Variants in SUCLG2 observed in about 807,000 individuals in gnomAD.
SUCLG2 encodes the protein succinate--CoA ligase [GDP-forming] subunit beta, mitochondrial.
Under a neutral mutation model 47.9 loss-of-function variants are expected in SUCLG2, and 42 were observed. That is an observed-to-expected ratio of 0.88 (90% CI 0.69 to 1.14). SUCLG2 has a LOEUF of 1.14. Ranked by LOEUF, SUCLG2 falls within the 50% of genes most tolerant of loss-of-function variation. The pLI is 0.00. For missense variants in SUCLG2, 571 were observed against 525.9 expected (o/e 1.09, Z -0.84); for synonymous variants, 195 against 197.3 (o/e 0.99, Z 0.10).
At chr3:67,385,322 T>C (rs1490650331) in intron 10 of SUCLG2, among the ~76,000 whole-genome samples, 1 of 152,170 alleles carries the variant, frequency 6.6e-6, no homozygotes. Context: ...GACCACTGCC[T>C]AGAGTGGGGC....
At position 67,375,564 on chromosome 3, in the gene SUCLG2, T is replaced by G; in HGVS notation, c.*180A>C. On this transcript the variant is annotated 3_prime_UTR_variant, in exon 11 of 11. Coordinates refer to ENST00000307227, the MANE Select transcript of SUCLG2 (RefSeq NM_003848.4). The stretch of plus-strand genomic sequence containing the variant: ...GATATTATTTTTATAAAGACCAAAA[T>G]CAGATTTAGGCTGTCTAGATATCTT... The G allele has an allele frequency of 7.2e-7, 1 of 1,388,766 alleles. No individual in the cohort carries two copies. Among genetic ancestry groups the G allele is most frequent in the African/African-American group, 1.5e-5 (1 of 68,662 alleles). 86.0% of individuals were successfully genotyped at this position (1,388,766 alleles called of 1,614,324 possible). A position where few individuals can be genotyped will look rare whatever the true frequency, so the allele number is the denominator to read the frequency against.
At chr3:67,551,110 T>C (rs1707002846) in intron 2 of SUCLG2, among the ~76,000 whole-genome samples, 1 of 152,236 alleles carries the variant, frequency 6.6e-6, no homozygotes, top group East Asian at 1.9e-4. Flanking sequence ...ACGTCTTGTA[T>C]TTTTTGCAAG....
chr3:67,531,735 C>T (rs1201720956), intron 2 of SUCLG2, among the ~76,000 whole-genome samples: 6 of 152,162 alleles, frequency 3.9e-5, no homozygotes, highest in Non-Finnish European at 7.4e-5. Context: ...TATAGTAAGT[C>T]AGCAAGTCAG....
chr3:67,587,536 G>A (rs1273480860), intron 2 of SUCLG2, among the ~76,000 whole-genome samples: 2 of 152,202 alleles, frequency 1.3e-5, no homozygotes, highest in Non-Finnish European at 2.9e-5. Flanking sequence ...TCCAAGATTT[G>A]AGAAGATGCC....
chr3:67,369,123 C>A (rs1701917693), intron 10 of SUCLG2, among the ~76,000 whole-genome samples: 1 of 152,138 alleles, frequency 6.6e-6, no homozygotes, highest in African/African-American at 2.4e-5. Flanking sequence ...TCCTTCTCCA[C>A]TGATTTTCTT....
rs60992383 is a variant in SUCLG2 at position 67,615,621 on chromosome 3, A to AACACACACACACACAC, written c.85-6041_85-6026dup. ...GCCACTGAACACAAACACAAACACAAACACACACACACACACACACACACA... is the reference window on the plus strand; with the variant it reads ...GCCACTGAACACAAACACAAACACAAACACACACACACACACACACACACACACACACACACACACA... On this transcript the variant is annotated intron_variant, in intron 1 of 10. Coordinates refer to ENST00000307227, the MANE Select transcript of SUCLG2 (RefSeq NM_003848.4). Among the ~76,000 whole-genome samples the AACACACACACACACAC allele has an allele frequency of 2.4e-3, 339 of 142,138 alleles. 3 individuals carry two copies. Among genetic ancestry groups the AACACACACACACACAC allele is most frequent in the African/African-American group, 8.1e-3 (307 of 37,936 alleles). The allele number at this position is 142,138 out of a possible 152,430, so 93.2% of individuals were successfully genotyped here.
At chr3:67,615,124 A>C (rs1294718240) in intron 1 of SUCLG2, among the ~76,000 whole-genome samples, 1 of 152,118 alleles carries the variant, frequency 6.6e-6, no homozygotes, top group African/African-American at 2.4e-5. Context: ...GGAACAAGGG[A>C]GCAGAAGCAG....
At chr3:67,636,399 C>A in intron 1 of SUCLG2, among the ~76,000 whole-genome samples, 1 of 150,256 alleles carries the variant, frequency 6.7e-6, no homozygotes. Context: ...GTCACCCAGA[C>A]TGGAGTGCAG....
At chr3:67,370,958 G>C (rs1701944925), downstream of SUCLG2, among the ~76,000 whole-genome samples, 1 of 151,872 alleles carries the variant, frequency 6.6e-6, no homozygotes, top group African/African-American at 2.4e-5. Context: ...TATTTGTTTT[G>C]CTCAGGGCAA....
At chr3:67,540,992 A>T (rs932475705) in intron 2 of SUCLG2, among the ~76,000 whole-genome samples, 2 of 152,256 alleles carry the variant, frequency 1.3e-5, no homozygotes, top group Non-Finnish European at 2.9e-5. Context: ...ACTAACAAAC[A>T]GAAAGGAATA....
At chr3:67,615,445 G>T (rs953832610) in intron 1 of SUCLG2, among the ~76,000 whole-genome samples, 6 of 152,076 alleles carry the variant, frequency 3.9e-5, no homozygotes, top group African/African-American at 1.4e-4. Flanking sequence ...ACTTGCTCCA[G>T]CCTTCTTCAG....
At chr3:67,398,940 A>G (rs1338987853) in intron 10 of SUCLG2, among the ~76,000 whole-genome samples, 2 of 146,392 alleles carry the variant, frequency 1.4e-5, no homozygotes, top group Non-Finnish European at 3.0e-5. Flanking sequence ...CAAACACCAC[A>G]TGTTGTCACT....
At chr3:67,394,941 G>A (rs1702486793) in intron 10 of SUCLG2, among the ~76,000 whole-genome samples, 1 of 152,084 alleles carries the variant, frequency 6.6e-6, no homozygotes, top group Non-Finnish European at 1.5e-5. Context: ...AAGTGAAGGA[G>A]AAATGAAATA....
chr3:67,581,562 G>A (rs1257982196), intron 2 of SUCLG2, among the ~76,000 whole-genome samples: 1 of 152,194 alleles, frequency 6.6e-6, no homozygotes, highest in African/African-American at 2.4e-5. Flanking sequence ...CCTGTTGCAA[G>A]TTCTTTGCAC....
intron 9 of SUCLG2, among the ~76,000 whole-genome samples, chr3:67,444,024 C>T (rs1703850896): frequency 8.1e-6 from 1 of 123,204 alleles, no homozygotes; most frequent in Non-Finnish European, 1.8e-5. Context: ...GGGGTCAGCC[C>T]CCCGCCTGGC....
intron 1 of SUCLG2, among the ~76,000 whole-genome samples, chr3:67,617,321 C>T (rs1009851206): frequency 1.3e-5 from 2 of 152,078 alleles, no homozygotes; most frequent in African/African-American, 2.4e-5. Flanking sequence ...GACAACAGCA[C>T]GTCAACTTCT....
intron 2 of SUCLG2, among the ~76,000 whole-genome samples, chr3:67,603,644 C>A (rs950515568): frequency 6.6e-6 from 1 of 152,124 alleles, no homozygotes; most frequent in Admixed American, 6.5e-5. Flanking sequence ...ACGCAATTTT[C>A]TTGCTTAATC....
intron 2 of SUCLG2, among the ~76,000 whole-genome samples, chr3:67,542,163 C>G (rs1706734738): frequency 6.6e-6 from 1 of 152,112 alleles, no homozygotes; most frequent in Admixed American, 6.5e-5. Context: ...CGTGAGCCAC[C>G]ATGCCCGGCC....
At chr3:67,475,999 C>T (rs969637765) in intron 9 of SUCLG2, among the ~76,000 whole-genome samples, 3 of 151,992 alleles carry the variant, frequency 2.0e-5, no homozygotes, top group Non-Finnish European at 4.4e-5. Flanking sequence ...CTCTCTCTCT[C>T]TCTCTCTCTC....
Sources: allele counts gnomAD v4.1 joint callset (sites outside exome capture counted in the v4.1 genomes callset), GRCh38; gene constraint gnomAD v4.1.1; transcripts MANE v1.5; gene names NCBI Gene and HGNC (gene_info 2026-07-23, HGNC 2026-07-21).